The following CA12 variants were observed in gnomAD, a reference collection of about 807,000 sequenced individuals.
The protein encoded by CA12 is carbonic anhydrase 12.
CA12 carries 36 observed loss-of-function variants against 46.8 expected under a neutral mutation model. That is an observed-to-expected ratio of 0.77 (90% CI 0.59 to 1.02). The LOEUF is 1.02. Among genes scored for constraint, CA12 ranks in the 50% least tolerant of loss-of-function variants. The pLI, the probability that CA12 is intolerant of heterozygous loss-of-function variation, is 0.00. For missense variants in CA12, 436 were observed against 451.4 expected (o/e 0.97, Z 0.31); for synonymous variants, 202 against 187.0 (o/e 1.08, Z -0.65).
chr15:63,343,693 T>C (rs974972409), intron 4 of CA12, among the ~76,000 whole-genome samples: 1 of 152,224 alleles, frequency 6.6e-6, no homozygotes, highest in Non-Finnish European at 1.5e-5. Flanking sequence ...TTGGCATTTA[T>C]GGTCCATCTT....
chr15:63,374,373 C>T lies in CA12; in HGVS notation c.106+1285G>A, dbSNP rs2039545097. Among the ~76,000 whole-genome samples, 1 of 152,224 alleles carries T rather than the reference C, an allele frequency of 6.6e-6. No individual in the cohort carries two copies. The highest frequency in any genetic ancestry group is 6.5e-5 in the Admixed American group (1 of 15,292). On this transcript the variant is annotated intron_variant, in intron 2 of 10. Transcript: ENST00000178638. This position sits in a 1 kb window ranked among gnomAD's most constrained non-coding sequence, Gnocchi z 4.4. ...AAGCCCTCCTCCTCCAGGAGGCCTTCCCTGACCATCTAGCCCTAGCACACT... is the reference window on the plus strand; with the variant it reads ...AAGCCCTCCTCCTCCAGGAGGCCTTTCCTGACCATCTAGCCCTAGCACACT...
intron 8 of CA12, among the ~76,000 whole-genome samples, chr15:63,334,187 C>T (rs76224212): frequency 0.01 from 1,513 of 147,708 alleles, 34 homozygotes; most frequent in African/African-American, 0.036. Context: ...ACCTTGAGGA[C>T]GAGTCTTGCT....
At position 63,323,617 on chromosome 15, in the gene CA12, C is replaced by T. The variant is rs2038824287; in HGVS notation, c.*2668G>A. The T allele has an allele frequency of 6.6e-6, 1 of 152,462 alleles. No individual in the cohort carries two copies. Among genetic ancestry groups the T allele is most frequent in the Non-Finnish European group, 1.5e-5 (1 of 68,026 alleles). The allele number at this position is 152,462 out of a possible 1,614,324, so 9.4% of individuals were successfully genotyped here. ...TTACAATAAATACAGAAGTGCTAAA[C>T]AGACCATTATCACAGTGGCCTGTGG... On this transcript the variant is annotated 3_prime_UTR_variant, in exon 11 of 11. Transcript: ENST00000178638. The surrounding 1 kb of genome is among the most constrained non-coding windows in gnomAD (Gnocchi z 5.1).
At chr15:63,361,388 G>C (rs1319553368) in intron 2 of CA12, among the ~76,000 whole-genome samples, 1 of 152,234 alleles carries the variant, frequency 6.6e-6, no homozygotes, top group Non-Finnish European at 1.5e-5. Context: ...GACTAAGCCA[G>C]TGATTTTCAA....
chr15:63,350,692 T>C (rs1269814385), intron 2 of CA12, among the ~76,000 whole-genome samples: 6 of 152,218 alleles, frequency 3.9e-5, no homozygotes, highest in Non-Finnish European at 5.9e-5. Flanking sequence ...GATTTCTGAT[T>C]GGGAATTTTG....
chr15:63,372,303 G>C lies in CA12; in HGVS notation c.106+3355C>G, dbSNP rs1295142717. On this transcript the variant is annotated intron_variant, in intron 2 of 10. Coordinates refer to ENST00000178638, the MANE Select transcript of CA12 (RefSeq NM_001218.5). The surrounding 1 kb of genome is among the most constrained non-coding windows in gnomAD (Gnocchi z 4.5). The stretch of plus-strand genomic sequence containing the variant: ...GCCTCTCTCTCATGATGCCACCTCA[G>C]CCATGCTAAGCCCAGCAGCCATTCA... Among the ~76,000 whole-genome samples, 3 of 152,170 alleles carry C rather than the reference G, an allele frequency of 2.0e-5. No homozygotes were observed. The highest frequency in any genetic ancestry group is 7.2e-5 in the African/African-American group (3 of 41,420).
At chr15:63,354,176 G>A (rs191766624) in intron 2 of CA12, among the ~76,000 whole-genome samples, 5 of 152,266 alleles carry the variant, frequency 3.3e-5, no homozygotes, top group African/African-American at 1.2e-4. Context: ...ACAAACAGAG[G>A]GCGAGGAATC....
At chr15:63,361,336 C>A (rs988703845) in intron 2 of CA12, among the ~76,000 whole-genome samples, 2 of 152,256 alleles carry the variant, frequency 1.3e-5, no homozygotes, top group African/African-American at 2.4e-5. Context: ...GTTAAGCCAT[C>A]CTAGACCGGG....
In CA12 at chr15:63,322,977, T is replaced by C. The variant is rs1040746823; in HGVS notation, c.*3308A>G. ...AGGCAAACAATGATGGTACCTATTTTATAACCTTTACTGGACTGCCTCTTT... is the reference window on the plus strand; with the variant it reads ...AGGCAAACAATGATGGTACCTATTTCATAACCTTTACTGGACTGCCTCTTT... On this transcript the variant is annotated 3_prime_UTR_variant, in exon 11 of 11. Transcript: ENST00000178638. This position sits in a 1 kb window ranked among gnomAD's most constrained non-coding sequence, Gnocchi z 4.1. 2 of 152,264 alleles carry C rather than the reference T, an allele frequency of 1.3e-5. No individual in the cohort carries two copies. The highest frequency in any genetic ancestry group is 3.8e-4 in the East Asian group (2 of 5,206). The allele number at this position is 152,264 out of a possible 1,614,324, so 9.4% of individuals were successfully genotyped here.
intron 2 of CA12, among the ~76,000 whole-genome samples, chr15:63,364,946 G>A (rs570437355): frequency 7.9e-5 from 12 of 152,358 alleles, no homozygotes; most frequent in African/African-American, 2.4e-4. Context: ...ACTGGTGTGT[G>A]TGTGTTTGTT....
At chr15:63,375,550 C>T (rs865931361) in intron 2 of CA12, 108 bp downstream of exon 2, 16 of 746,230 alleles carry the variant, frequency 2.1e-5, no homozygotes, top group Middle Eastern at 3.6e-4. Flanking sequence ...ACTGTGCTTC[C>T]GACCCTTCAA....
At chr15:63,353,123 G>A (rs1464817840) in intron 2 of CA12, among the ~76,000 whole-genome samples, 2 of 152,114 alleles carry the variant, frequency 1.3e-5, no homozygotes, top group Non-Finnish European at 2.9e-5. Context: ...GTAAGAGACT[G>A]ATAATAAATA....
chr15:63,321,858 A>G lies in CA12; in HGVS notation c.*4427T>C, dbSNP rs1284518423. ...GGGCCCACTGCGGCGAGGCGAGGAG[A>G]TGTGGGGAGAGGAAGAGCGGCGTCC... is the stretch of plus-strand genomic sequence containing the variant. On this transcript the variant is annotated 3_prime_UTR_variant, in exon 11 of 11. Coordinates refer to ENST00000178638, the MANE Select transcript of CA12 (RefSeq NM_001218.5). This position sits in a 1 kb window ranked among gnomAD's most constrained non-coding sequence, Gnocchi z 4.5. 1.3e-5 allele frequency: 2 copies of G among 152,198 alleles called. No homozygotes were observed. The highest frequency in any genetic ancestry group is 4.8e-5 in the African/African-American group (2 of 41,416). The allele number at this position is 152,198 out of a possible 1,614,324, so 9.4% of individuals were successfully genotyped here. A position where few individuals can be genotyped will look rare whatever the true frequency, so the allele number is the denominator to read the frequency against.
At chr15:63,342,726 G>C (rs1248217074) in intron 4 of CA12, among the ~76,000 whole-genome samples, 1 of 152,182 alleles carries the variant, frequency 6.6e-6, no homozygotes, top group Non-Finnish European at 1.5e-5. Context: ...GGTCCATTCA[G>C]ATGGCAGGTG....
intron 1 of CA12, among the ~76,000 whole-genome samples, chr15:63,377,529 C>G (rs1173050418): frequency 6.6e-6 from 1 of 151,746 alleles, no homozygotes; most frequent in Non-Finnish European, 1.5e-5. Context: ...TTATTCTGTT[C>G]CATTTCTTTG....
chr15:63,375,944 G>A (rs1040345025), intron 1 of CA12, among the ~76,000 whole-genome samples: 12 of 152,040 alleles, frequency 7.9e-5, no homozygotes, highest in Admixed American at 6.5e-4. Context: ...TGAGTAGCTG[G>A]GATTACAGGC....
rs886694342 is a variant in CA12, at chr15:63,355,189, G to A, written c.107-8480C>T. Among the ~76,000 whole-genome samples, 4 of 151,924 alleles carry A rather than the reference G, an allele frequency of 2.6e-5. No homozygotes were observed. The highest frequency in any genetic ancestry group is 1.9e-4 in the East Asian group (1 of 5,188). On this transcript the variant is annotated intron_variant, in intron 2 of 10. Transcript: ENST00000178638. The surrounding 1 kb of genome is among the most constrained non-coding windows in gnomAD (Gnocchi z 4.1). Reference sequence around the variant, plus strand: ...CACCCCTCCTTTTCGTTCCAGCAGCGCTGAGCTGCTTGCATCCTGCAGACA... The same window carrying A: ...CACCCCTCCTTTTCGTTCCAGCAGCACTGAGCTGCTTGCATCCTGCAGACA...
In CA12 at chr15:63,373,342, G is replaced by A. The variant is rs937704814; in HGVS notation, c.106+2316C>T. 2.0e-5 allele frequency among the ~76,000 whole-genome samples: 3 copies of A among 147,830 alleles called. No homozygotes were observed. The highest frequency in any genetic ancestry group is 3.0e-5 in the Non-Finnish European group (2 of 67,340). ...ATCACGCCACTGCACTCCACCCTGG[G>A]TGAGAATGAGACTCCAAAAAAAAAA... is the stretch of plus-strand genomic sequence containing the variant. On this transcript the variant is annotated intron_variant, in intron 2 of 10. Coordinates refer to ENST00000178638, the MANE Select transcript of CA12 (RefSeq NM_001218.5). The surrounding 1 kb of genome is among the most constrained non-coding windows in gnomAD (Gnocchi z 4.9).
chr15:63,345,361 A>G lies in CA12; in HGVS notation c.429+116T>C. On this transcript the variant is annotated intron_variant, in intron 4 of 10. Coordinates refer to ENST00000178638, the MANE Select transcript of CA12 (RefSeq NM_001218.5). This position sits in a 1 kb window ranked among gnomAD's most constrained non-coding sequence, Gnocchi z 4.3. ...TGTGCCAGGGCCAGAGGTGGGGCAG[A>G]GAGCCTGAAGGCAGCCTGTCCCATG... 3 of 1,356,466 alleles carry G rather than the reference A, an allele frequency of 2.2e-6. No homozygotes were observed. The East Asian group carries it at 7.4e-5, about 34-fold the overall frequency. The allele number at this position is 1,356,466 out of a possible 1,614,324, so 84.0% of individuals were successfully genotyped here.
Sources: allele counts gnomAD v4.1 joint callset (sites outside exome capture counted in the v4.1 genomes callset), GRCh38; gene constraint gnomAD v4.1.1; non-coding constraint Gnocchi (gnomAD v3.1); transcripts MANE v1.5; gene names NCBI Gene and HGNC (gene_info 2026-07-23, HGNC 2026-07-21).